Variants in FURIN observed in about 807,000 individuals in gnomAD.
The protein encoded by FURIN is FES upstream region.
Under a neutral mutation model 89.2 loss-of-function variants are expected in FURIN, and 18 were observed. The observed-to-expected ratio is 0.20, with a 90% CI of 0.14 to 0.30. FURIN has a LOEUF of 0.30. FURIN is among the 10% of genes least tolerant of loss of function. FURIN has a pLI of 1.00. For missense variants in FURIN, 879 were observed against 1,100.5 expected (o/e 0.80, Z 2.85); for synonymous variants, 508 against 466.4 (o/e 1.09, Z -1.15).
chr15:90,881,298 G>A lies in FURIN; in HGVS notation c.1805G>A (p.Gly602Asp). The change falls in exon 16 of 16, where the codon GGC becomes GAC. Residue 602 changes from glycine (G) to aspartate (D), a missense_variant. Gly to Asp is a moderately conservative substitution (Grantham distance 94, BLOSUM62 -1). This residue lies in a region of FURIN where 457 missense variants were observed against 490.7 expected (regional missense o/e 0.93). Transcript: ENST00000268171. The surrounding 1 kb of genome is among the most constrained non-coding windows in gnomAD (Gnocchi z 4.3). ...CCCACGCCGGCAGTGTGCGAGGAAG[G>A]CTTCTCCCTGCACCAGAAGAGCTGT... Reference protein sequence around the residue: ...SSQACVVCEEGFSLHQKSCVQ... With the variant: ...SSQACVVCEEDFSLHQKSCVQ... 1 of 1,600,214 alleles carries A rather than the reference G, an allele frequency of 6.2e-7. No individual in the cohort carries two copies. Among genetic ancestry groups the A allele is most frequent in the Non-Finnish European group, 8.5e-7 (1 of 1,170,826 alleles).
intron 8 of FURIN, 82 bp downstream of exon 8, chr15:90,878,386 AT>A: frequency 8.7e-7 from 1 of 1,151,832 alleles, no homozygotes; most frequent in Non-Finnish European, 1.2e-6. Context: ...GGTTTGTTTT[AT>A]TTATTCTCAT....
chr15:90,876,374 C>T lies in FURIN; in HGVS notation c.276+21C>T, dbSNP rs780147532. The T allele has an allele frequency of 6.4e-7, 1 of 1,563,824 alleles. No homozygotes were observed. The highest frequency in any genetic ancestry group is 1.7e-5 in the Admixed American group (1 of 59,946). ...CTCAAGTGAGTGTGGCCCCAGCCCC[C>T]TCCTGCTGCCACCCTCCCCCTCCTG... On this transcript the variant is annotated intron_variant, in intron 3 of 15. Transcript: ENST00000268171. The surrounding 1 kb of genome is among the most constrained non-coding windows in gnomAD (Gnocchi z 5.0).
At chr15:90,879,642 T>TC (rs2031829703) in intron 10 of FURIN, 29 bp from the exon 11 acceptor site, 2 of 1,595,052 alleles carry the variant, frequency 1.3e-6, no homozygotes, top group Non-Finnish European at 1.7e-6. Context: ...AAAAGACTGA[T>TC]CCCCAGCCTC....
rs60823973 is a variant in FURIN, at chr15:90,875,527, C to T, written c.-159-55C>T. 2.1e-3 allele frequency: 1,015 copies of T among 477,216 alleles called. 15 individuals carry two copies. Among genetic ancestry groups the T allele is most frequent in the African/African-American group, 0.019 (933 of 49,790 alleles). The allele number at this position is 477,216 out of a possible 1,614,324, so 29.6% of individuals were successfully genotyped here. On this transcript the variant is annotated intron_variant, in intron 1 of 15. Transcript: ENST00000268171. ...TGGGGTGGGCAGGGCAGCTTTAGTG[C>T]GTAGCAGGGGAGGAACTGACCCTCT...
chr15:90,877,833 C>T lies in FURIN; in HGVS notation c.667+218C>T, dbSNP rs141645121. 6.7e-4 allele frequency among the ~76,000 whole-genome samples: 102 copies of T among 152,330 alleles called. 1 individual carries two copies. In the East Asian group the frequency reaches 0.019, roughly 29 times the overall value. On this transcript the variant is annotated intron_variant, in intron 7 of 15. Coordinates refer to ENST00000268171, the MANE Select transcript of FURIN (RefSeq NM_002569.4). The stretch of plus-strand genomic sequence containing the variant: ...AGGAGTCTCCTGAAATCCTCACGAC[C>T]CACTGTGAGTCCTCACGTGGCAGAT...
intron 13 of FURIN, 39 bp downstream of exon 13, chr15:90,880,312 C>T (rs753312407): frequency 2.2e-5 from 34 of 1,526,694 alleles, no homozygotes; most frequent in Non-Finnish European, 2.7e-5. Flanking sequence ...CCAGCGCCGC[C>T]GCCTCTCACA....
Position 90,876,797 on chromosome 15 carries a change from C to G in FURIN, c.373-99C>G. 3.0e-6 allele frequency: 4 copies of G among 1,324,202 alleles called. No individual in the cohort carries two copies. In the East Asian group the frequency reaches 9.2e-5, roughly 31 times the overall value. The allele number at this position is 1,324,202 out of a possible 1,614,324, so 82.0% of individuals were successfully genotyped here. The stretch of plus-strand genomic sequence containing the variant: ...CGGCCTTTCAGGAGCAGGGATGGTA[C>G]AGGAGGAGGTTTTACGGGGGCAAAG... On this transcript the variant is annotated intron_variant, in intron 4 of 15. Coordinates refer to ENST00000268171, the MANE Select transcript of FURIN (RefSeq NM_002569.4). The surrounding 1 kb of genome is among the most constrained non-coding windows in gnomAD (Gnocchi z 5.0).
At chr15:90,871,128 G>A (rs2031264937) in intron 1 of FURIN, among the ~76,000 whole-genome samples, 1 of 152,140 alleles carries the variant, frequency 6.6e-6, no homozygotes, top group Non-Finnish European at 1.5e-5. Context: ...CCCCAGGTCC[G>A]CCGTCCCTGG....
Position 90,881,362 on chromosome 15 carries a change from C to T in FURIN, c.1869C>T (p.Leu623=), listed in dbSNP as rs534825980. The part of the protein sequence containing the change: ...HCPPGFAPQV[L]DTHYSTENDV... ...CTCCAGGGTTCGCCCCCCAAGTCCTCGATACGCACTATAGCACCGAGAATG... is the reference window on the plus strand; with the variant it reads ...CTCCAGGGTTCGCCCCCCAAGTCCTTGATACGCACTATAGCACCGAGAATG... Residue 623 remains leucine, a synonymous_variant, in exon 16 of 16, where the codon CTC becomes CTT. Transcript: ENST00000268171. The surrounding 1 kb of genome is among the most constrained non-coding windows in gnomAD (Gnocchi z 4.3). 1.9e-5 allele frequency: 31 copies of T among 1,613,018 alleles called. No homozygotes were observed. The highest frequency in any genetic ancestry group is 1.3e-4 in the African/African-American group (10 of 75,046).
At chr15:90,879,277 T>C (rs2031806194) in intron 9 of FURIN, among the ~76,000 whole-genome samples, 167 bp from the exon 10 acceptor site, 1 of 152,220 alleles carries the variant, frequency 6.6e-6, no homozygotes, top group Non-Finnish European at 1.5e-5. Flanking sequence ...GTCATTAGCA[T>C]GTCCACGGCA....
At chr15:90,871,200 G>A (rs2031269239) in intron 1 of FURIN, among the ~76,000 whole-genome samples, 1 of 152,112 alleles carries the variant, frequency 6.6e-6, no homozygotes, top group African/African-American at 2.4e-5. Context: ...GGACGGAGAG[G>A]GCCAGTCCCC....
Position 90,876,747 on chromosome 15 carries a change from C to T in FURIN, c.373-149C>T. Reference sequence around the variant, plus strand: ...TGGCCCTCCCAGAGTCCTCTACATTCCCATGGAGTCCAGACAGCCAGTGGC... The same window carrying T: ...TGGCCCTCCCAGAGTCCTCTACATTTCCATGGAGTCCAGACAGCCAGTGGC... On this transcript the variant is annotated intron_variant, in intron 4 of 15. Coordinates refer to ENST00000268171, the MANE Select transcript of FURIN (RefSeq NM_002569.4). This position sits in a 1 kb window ranked among gnomAD's most constrained non-coding sequence, Gnocchi z 5.0. 1 of 927,616 alleles carries T rather than the reference C, an allele frequency of 1.1e-6. No homozygotes were observed. Among genetic ancestry groups the T allele is most frequent in the South Asian group, 1.6e-5 (1 of 63,924 alleles). The allele number at this position is 927,616 out of a possible 1,614,324, so 57.5% of individuals were successfully genotyped here.
In FURIN at chr15:90,881,044, A is replaced by C. The variant is rs1340218656; in HGVS notation, c.1792+4A>C. The stretch of plus-strand genomic sequence containing the variant: ...ACGTCCAGTCAGGCCTGTGTGGGTC[A>C]GTAGTGGGTGCTGTTGGGCTTTGGG... On this transcript the variant is annotated splice_donor_region_variant and intron_variant, in intron 15 of 15. Coordinates refer to ENST00000268171, the MANE Select transcript of FURIN (RefSeq NM_002569.4). The surrounding 1 kb of genome is among the most constrained non-coding windows in gnomAD (Gnocchi z 4.3). 3.8e-6 allele frequency: 6 copies of C among 1,599,938 alleles called. No individual in the cohort carries two copies. Among genetic ancestry groups the C allele is most frequent in the Non-Finnish European group, 4.3e-6 (5 of 1,167,206 alleles).
rs768064064 is a variant in FURIN at position 90,876,810 on chromosome 15, T to C, written c.373-86T>C. 9.6e-6 allele frequency: 14 copies of C among 1,460,806 alleles called. No individual in the cohort carries two copies. Among genetic ancestry groups the C allele is most frequent in the Non-Finnish European group, 1.3e-5 (14 of 1,052,936 alleles). The allele number at this position is 1,460,806 out of a possible 1,614,324, so 90.5% of individuals were successfully genotyped here. ...GCAGGGATGGTACAGGAGGAGGTTT[T>C]ACGGGGGCAAAGGGATTCTTCAAGA... On this transcript the variant is annotated intron_variant, in intron 4 of 15. Transcript: ENST00000268171. The surrounding 1 kb of genome is among the most constrained non-coding windows in gnomAD (Gnocchi z 5.0).
At chr15:90,879,649 C>T (rs1555428858) in intron 10 of FURIN, 22 bp from the exon 11 acceptor site, 2 of 1,600,028 alleles carry the variant, frequency 1.2e-6, no homozygotes, top group Admixed American at 3.3e-5. Flanking sequence ...TGATCCCCAG[C>T]CTCTCCCTTC....
chr15:90,875,314 G>T (rs4405529), intron 1 of FURIN, among the ~76,000 whole-genome samples: 11,058 of 152,206 alleles, frequency 0.073, 549 homozygotes, highest in Non-Finnish European at 0.11. Flanking sequence ...GATGACAGAA[G>T]TGAGCCACCA....
intron 2 of FURIN, 64 bp downstream of exon 2, chr15:90,875,981 C>G (rs191760795): frequency 1.4e-5 from 19 of 1,375,866 alleles, no homozygotes; most frequent in Non-Finnish European, 1.7e-5. Flanking sequence ...ATTCTGGGAG[C>G]AGGAGCTGTT....
chr15:90,873,786 A>G (rs2031454992), intron 1 of FURIN, among the ~76,000 whole-genome samples: 2 of 152,106 alleles, frequency 1.3e-5, no homozygotes, highest in South Asian at 2.1e-4. Flanking sequence ...GCCCGCAGGG[A>G]TGTGCAGGAG....
intron 1 of FURIN, among the ~76,000 whole-genome samples, chr15:90,871,029 G>A (rs928950813): frequency 2.0e-5 from 3 of 152,226 alleles, no homozygotes; most frequent in Non-Finnish European, 4.4e-5. Context: ...CTATACAAAT[G>A]CAGACGAAGT....
Sources: gnomAD v4.1 joint callset for allele counts (sites outside exome capture counted in the v4.1 genomes callset) on GRCh38, gnomAD v4.1.1 for gene constraint, gnomAD v4.1.1 regional missense constraint, Gnocchi (gnomAD v3.1) non-coding constraint, MANE v1.5 for transcripts, NCBI Gene and HGNC (gene_info 2026-07-23, HGNC 2026-07-21) for gene names.